The following OTOF variants were observed in gnomAD, a reference collection of about 807,000 sequenced individuals.
OTOF encodes the protein fer-1-like family member 2.
OTOF carries 218 observed loss-of-function variants against 236.8 expected under a neutral mutation model. The observed-to-expected ratio is 0.92, with a 90% CI of 0.82 to 1.03. The LOEUF is 1.03. OTOF is among the 50% of genes least tolerant of loss of function. The pLI is 0.00. For missense variants in OTOF, 2,590 were observed against 2,694.4 expected, an observed-to-expected ratio of 0.96 and a Z score of 0.86; for synonymous variants, 1,041 against 1,072.5, an observed-to-expected ratio of 0.97 and a Z score of 0.57.
intron 46 of OTOF, among the ~76,000 whole-genome samples, chr2:26,459,020 G>A (rs951528620): frequency 6.6e-5 from 10 of 152,320 alleles, no homozygotes; most frequent in Middle Eastern, 6.8e-3. Flanking sequence ...TGGGTTTGGC[G>A]CAATGGCACA....
intron 32 of OTOF, among the ~76,000 whole-genome samples, chr2:26,468,688 G>A (rs1245170725): frequency 6.6e-6 from 1 of 152,192 alleles, no homozygotes; most frequent in African/African-American, 2.4e-5. Context: ...TTATGCATCT[G>A]TGGCACATAT....
chr2:26,475,547 C>T lies in OTOF; in HGVS notation c.2992-54G>A, dbSNP rs1368713327. The T allele has an allele frequency of 1.9e-6, 3 of 1,595,320 alleles. No homozygotes were observed. The South Asian group carries it at 3.3e-5, about 18-fold the overall frequency. ...CAAGTGACAGAGGGGGGGGCAGATGCACAAACAGAAGCCACCCCTACTCAC... is the reference window on the plus strand; with the variant it reads ...CAAGTGACAGAGGGGGGGGCAGATGTACAAACAGAAGCCACCCCTACTCAC... On this transcript the variant is annotated intron_variant, in intron 24 of 46. Transcript: ENST00000272371.
chr2:26,520,410 AT>A (rs1314307349), intron 3 of OTOF, among the ~76,000 whole-genome samples: 1 of 152,070 alleles, frequency 6.6e-6, no homozygotes, highest in East Asian at 1.9e-4. Context: ...GAGGGTGAAC[AT>A]TGATTTTTTA....
At chr2:26,489,355 G>T (rs961244341) in intron 10 of OTOF, 60 bp from the exon 11 acceptor site, 53 of 1,310,902 alleles carry the variant, frequency 4.0e-5, no homozygotes, top group Non-Finnish European at 5.6e-5. Context: ...TTTCCATGGG[G>T]CAGTGGTGGG....
intron 32 of OTOF, among the ~76,000 whole-genome samples, chr2:26,469,106 A>G (rs569517783): frequency 3.9e-5 from 6 of 152,382 alleles, no homozygotes; most frequent in South Asian, 4.1e-4. Context: ...TCTACTTAAA[A>G]AAGTACAGTG....
rs1224860779 is a variant in OTOF, at chr2:26,489,568, C to T, written c.960+110G>A. 20 of 924,160 alleles carry T rather than the reference C, an allele frequency of 2.2e-5. 1 individual carries two copies. The highest frequency in any genetic ancestry group is 9.6e-5 in the South Asian group (7 of 72,886). 57.2% of individuals were successfully genotyped at this position (924,160 alleles called of 1,614,324 possible). A position where few individuals can be genotyped will look rare whatever the true frequency, so the allele number is the denominator to read the frequency against. Reference sequence around the variant, plus strand: ...ACTTGCCCAGCCGTGTGTCCAGGCACGGCGCTGCCTCTTTATCATGGGTCT... The same window carrying T: ...ACTTGCCCAGCCGTGTGTCCAGGCATGGCGCTGCCTCTTTATCATGGGTCT... On this transcript the variant is annotated intron_variant, in intron 10 of 46. Transcript: ENST00000272371.
chr2:26,483,976 T>C (rs747014808), intron 12 of OTOF, among the ~76,000 whole-genome samples: 3 of 152,250 alleles, frequency 2.0e-5, no homozygotes, highest in Non-Finnish European at 4.4e-5. Context: ...TGTCAGTGTT[T>C]TATAGTTTTG....
intron 1 of OTOF, among the ~76,000 whole-genome samples, chr2:26,540,393 G>A (rs571157652): frequency 6.0e-4 from 91 of 152,310 alleles, no homozygotes; most frequent in African/African-American, 2.1e-3. Context: ...AGAAAACCTG[G>A]GAGCCCGGGC....
At chr2:26,537,803 G>C (rs1667110822) in intron 1 of OTOF, 29 bp from the exon 2 acceptor site, 1 of 1,507,774 alleles carries the variant, frequency 6.6e-7, no homozygotes. Context: ...TAAATTCTAG[G>C]GTCAGAGCTG....
At chr2:26,481,419 C>T (rs1442522496) in intron 14 of OTOF, among the ~76,000 whole-genome samples, 1 of 152,212 alleles carries the variant, frequency 6.6e-6, no homozygotes, top group African/African-American at 2.4e-5. Flanking sequence ...GGCCATCCCT[C>T]TCCATCTCTG....
rs978643353 is a variant in OTOF at position 26,461,894 on chromosome 2, G to A, written c.5335C>T (p.His1779Tyr). 6 of 1,614,028 alleles carry A rather than the reference G, an allele frequency of 3.7e-6. No homozygotes were observed. The highest frequency in any genetic ancestry group is 5.1e-6 in the Non-Finnish European group (6 of 1,180,034). Residue 1779 changes from histidine to tyrosine, a missense_variant, in exon 43 of 47, where the codon CAC becomes TAC. Transcript: ENST00000272371. This position sits in a 1 kb window ranked among gnomAD's most constrained non-coding sequence, Gnocchi z 6.2. ...CCCTCGCCAGTGAGGGAGTGGTAGT[G>A]GACGTCTGTGTCCTGCTTGTCCTCC... ...QQEDKQDTDV[H>Y]YHSLTGEGNF...
intron 2 of OTOF, among the ~76,000 whole-genome samples, chr2:26,537,297 G>A (rs1328823876): frequency 6.6e-6 from 1 of 152,244 alleles, no homozygotes; most frequent in African/African-American, 2.4e-5. Context: ...GGGCTGCCCT[G>A]CTCTTCAACC....
At chr2:26,553,896 G>A (rs1256858595) in intron 1 of OTOF, among the ~76,000 whole-genome samples, 6 of 152,132 alleles carry the variant, frequency 3.9e-5, no homozygotes, top group African/African-American at 1.4e-4. Context: ...GGCTTGACTG[G>A]GCGCAGTGGC....
chr2:26,483,383 C>A, intron 13 of OTOF, 79 bp downstream of exon 13: 1 of 1,341,484 alleles, frequency 7.5e-7, no homozygotes, highest in East Asian at 2.3e-5. Flanking sequence ...GCCCAGCTGC[C>A]CCAGGCCCCA....
intron 8 of OTOF, among the ~76,000 whole-genome samples, chr2:26,498,168 C>T (rs957766464): frequency 2.0e-5 from 3 of 152,230 alleles, no homozygotes; most frequent in African/African-American, 7.2e-5. Context: ...TTTCAGGCCT[C>T]ATACGTTTCT....
chr2:26,527,408 C>T (rs186183145), intron 3 of OTOF, among the ~76,000 whole-genome samples: 1 of 152,356 alleles, frequency 6.6e-6, no homozygotes, highest in East Asian at 1.9e-4. Flanking sequence ...TCCTAAACCA[C>T]CACCCCAAAC....
At chr2:26,490,172 G>T (rs969110381) in intron 9 of OTOF, among the ~76,000 whole-genome samples, 1 of 152,220 alleles carries the variant, frequency 6.6e-6, no homozygotes, top group African/African-American at 2.4e-5. Context: ...CCACCTCAGA[G>T]TCTTGTTATG....
intron 11 of OTOF, 61 bp downstream of exon 11, chr2:26,489,150 C>T (rs774127084): frequency 2.1e-5 from 26 of 1,212,868 alleles, no homozygotes; most frequent in Middle Eastern, 2.2e-4. Context: ...GGAAGGGCCC[C>T]GTGCACCACG....
Position 26,465,471 on chromosome 2 carries a change from G to A in OTOF, c.4799+201C>T, listed in dbSNP as rs555265895. Among the ~76,000 whole-genome samples, 8 of 152,310 alleles carry A rather than the reference G, an allele frequency of 5.3e-5. No homozygotes were observed. In the South Asian group the frequency reaches 1.4e-3, roughly 28 times the overall value. On this transcript the variant is annotated intron_variant, in intron 38 of 46. Coordinates refer to ENST00000272371, the MANE Select transcript of OTOF (RefSeq NM_194248.3). Reference sequence around the variant, plus strand: ...TCCTCGTCCTGCCTCCTCTGTCCTGGAATCCACTGTCCCTCTCCTTGTTTT... The same window carrying A: ...TCCTCGTCCTGCCTCCTCTGTCCTGAAATCCACTGTCCCTCTCCTTGTTTT...
Sources: gnomAD v4.1 joint callset for allele counts (sites outside exome capture counted in the v4.1 genomes callset) on GRCh38, gnomAD v4.1.1 for gene constraint, Gnocchi (gnomAD v3.1) non-coding constraint, MANE v1.5 for transcripts, NCBI Gene and HGNC (gene_info 2026-07-23, HGNC 2026-07-21) for gene names.